FHIT: variants seen among roughly 807,000 people sequenced by gnomAD.
FHIT encodes fragile histidine triad diadenosine triphosphatase, also known as bis(5'-adenosyl)-triphosphatase.
A neutral mutation model predicts 17.9 loss-of-function variants in FHIT; 19 were observed. That is an observed-to-expected ratio of 1.06 (90% CI 0.74 to 1.56). The LOEUF (loss-of-function observed/expected upper bound fraction) is 1.56. Among genes scored for constraint, FHIT ranks in the 40% most tolerant of loss-of-function variants. The pLI is 0.00. For synonymous variants in FHIT, 81 were observed against 69.7 expected, an observed-to-expected ratio of 1.16 and a Z score of -0.81; for missense variants, 248 against 189.2, an observed-to-expected ratio of 1.31 and a Z score of -1.82.
intron 8 of FHIT, among the ~76,000 whole-genome samples, chr3:59,783,229 G>A (rs1170748647): frequency 6.6e-6 from 1 of 152,168 alleles, no homozygotes; most frequent in East Asian, 1.9e-4. Flanking sequence ...CCAGCACTTT[G>A]GGAGGCCAAG....
intron 8 of FHIT, among the ~76,000 whole-genome samples, chr3:59,798,046 T>C (rs1367993524): frequency 6.6e-6 from 1 of 152,158 alleles, no homozygotes; most frequent in Non-Finnish European, 1.5e-5. Context: ...ATTTGTGTTT[T>C]GGTGATTTCC....
chr3:60,652,747 A>G (rs2107809670), intron 4 of FHIT, among the ~76,000 whole-genome samples: 1 of 150,836 alleles, frequency 6.6e-6, no homozygotes, highest in African/African-American at 2.4e-5. Flanking sequence ...AAAAAAAAAA[A>G]AAAAATTCAA....
chr3:59,939,861 T>G (rs1706425588), intron 7 of FHIT, among the ~76,000 whole-genome samples: 1 of 152,152 alleles, frequency 6.6e-6, no homozygotes, highest in Admixed American at 6.5e-5. Context: ...AAGGTTGAGT[T>G]AATGAGACAT....
At chr3:60,682,876 A>T (rs2040783801) in intron 4 of FHIT, among the ~76,000 whole-genome samples, 1 of 152,228 alleles carries the variant, frequency 6.6e-6, no homozygotes, top group Non-Finnish European at 1.5e-5. Flanking sequence ...TGTCATTGAG[A>T]ACATTCATGA....
At chr3:60,757,515 A>G (rs1553718596) in intron 4 of FHIT, among the ~76,000 whole-genome samples, 1 of 152,200 alleles carries the variant, frequency 6.6e-6, no homozygotes, top group East Asian at 1.9e-4. Flanking sequence ...AAATGAGTCA[A>G]GCATGTCGAG....
rs201839886 is a variant in FHIT at position 60,709,907 on chromosome 3, T to A, written c.-18+112012A>T. Reference sequence around the variant, plus strand: ...ATACTTGAGTTTGCATAATTATAGTTTGTCTTTCAATGCTTCTTTCATGCA... The same window carrying A: ...ATACTTGAGTTTGCATAATTATAGTATGTCTTTCAATGCTTCTTTCATGCA... On this transcript the variant is annotated intron_variant, in intron 4 of 9. Transcript: ENST00000492590. Among the ~76,000 whole-genome samples the A allele has an allele frequency of 2.4e-4, 36 of 152,230 alleles. No individual in the cohort carries two copies. The East Asian group carries it at 6.4e-3, about 27-fold the overall frequency.
At chr3:60,105,300 T>G (rs1384669652) in intron 5 of FHIT, among the ~76,000 whole-genome samples, 1 of 152,218 alleles carries the variant, frequency 6.6e-6, no homozygotes, top group African/African-American at 2.4e-5. Context: ...TCATTGTTAC[T>G]CTACAGGACT....
intron 8 of FHIT, among the ~76,000 whole-genome samples, chr3:59,799,320 G>A (rs1313446952): frequency 6.6e-6 from 1 of 152,162 alleles, no homozygotes; most frequent in African/African-American, 2.4e-5. Flanking sequence ...TGGTGCCTGA[G>A]AAAGCTTATG....
At chr3:60,940,145 G>A (rs1413185506) in intron 3 of FHIT, among the ~76,000 whole-genome samples, 1 of 152,046 alleles carries the variant, frequency 6.6e-6, no homozygotes, top group Non-Finnish European at 1.5e-5. Flanking sequence ...GATAAAGACT[G>A]GGTGATTTAT....
At chr3:60,844,548 T>G (rs1702856123) in intron 3 of FHIT, among the ~76,000 whole-genome samples, 2 of 152,158 alleles carry the variant, frequency 1.3e-5, no homozygotes, top group Admixed American at 6.6e-5. Context: ...CATGTGATAA[T>G]TTTCCCCAAT....
At position 60,402,482 on chromosome 3, in the gene FHIT, C is replaced by A. The variant is rs78020881; in HGVS notation, c.103+134378G>T. On this transcript the variant is annotated intron_variant, in intron 5 of 9. Transcript: ENST00000492590. The stretch of plus-strand genomic sequence containing the variant: ...CCTCTCAGACCTGGCAGATAGTGTC[C>A]TTTAAAGAGTACACTAATTCTAAAA... Among the ~76,000 whole-genome samples, 7 of 152,236 alleles carry A rather than the reference C, an allele frequency of 4.6e-5. No individual in the cohort carries two copies. The East Asian group carries it at 1.4e-3, about 29-fold the overall frequency.
chr3:61,208,837 G>A (rs1468439278), intron 1 of FHIT, among the ~76,000 whole-genome samples: 1 of 152,002 alleles, frequency 6.6e-6, no homozygotes. Flanking sequence ...ATATTCTTAT[G>A]TGTGAATCTG....
intron 3 of FHIT, among the ~76,000 whole-genome samples, chr3:61,041,374 TAA>T (rs779424724): frequency 2.9e-5 from 4 of 138,754 alleles, no homozygotes; most frequent in Admixed American, 7.2e-5. Context: ...TGGCTCCATC[TAA>T]AAAAAAAAAA....
rs201932976 is a variant in FHIT, at chr3:60,710,189, T to C, written c.-18+111730A>G. On this transcript the variant is annotated intron_variant, in intron 4 of 9. Coordinates refer to ENST00000492590, the MANE Select transcript of FHIT (RefSeq NM_002012.4). ...GACTTTTTATTTTTTTTAACCATAGTGCATGGCAGTGAAAAATGAAAGGCC... is the reference window on the plus strand; with the variant it reads ...GACTTTTTATTTTTTTTAACCATAGCGCATGGCAGTGAAAAATGAAAGGCC... Among the ~76,000 whole-genome samples, 10 of 152,128 alleles carry C rather than the reference T, an allele frequency of 6.6e-5. No individual in the cohort carries two copies. In the East Asian group the frequency reaches 1.9e-3, roughly 29 times the overall value.
chr3:59,996,835 C>A (rs1699531912), intron 7 of FHIT, among the ~76,000 whole-genome samples: 1 of 152,076 alleles, frequency 6.6e-6, no homozygotes, highest in Admixed American at 6.6e-5. Context: ...CTATTGCTGA[C>A]CAGATGGTCC....
chr3:61,210,053 C>T (rs561443111), intron 1 of FHIT, among the ~76,000 whole-genome samples: 4 of 152,226 alleles, frequency 2.6e-5, no homozygotes, highest in Non-Finnish European at 4.4e-5. Flanking sequence ...AGCTGCAGGT[C>T]TGTTGGAGTT....
rs372146386 is a variant in FHIT, at chr3:60,768,599, T to G, written c.-18+53320A>C. Among the ~76,000 whole-genome samples, 20 of 152,334 alleles carry G rather than the reference T, an allele frequency of 1.3e-4. No individual in the cohort carries two copies. The East Asian group carries it at 1.4e-3, about 10-fold the overall frequency. On this transcript the variant is annotated intron_variant, in intron 4 of 9. Coordinates refer to ENST00000492590, the MANE Select transcript of FHIT (RefSeq NM_002012.4). Reference sequence around the variant, plus strand: ...AAGGAAATCTGTTGGAGAGTTAGTTTTTTGATTCAGTGAATACCAATGTGC... The same window carrying G: ...AAGGAAATCTGTTGGAGAGTTAGTTGTTTGATTCAGTGAATACCAATGTGC...
intron 5 of FHIT, among the ~76,000 whole-genome samples, chr3:60,264,107 A>G (rs577636657): frequency 1.7e-3 from 254 of 151,780 alleles, no homozygotes; most frequent in African/African-American, 5.5e-3. Flanking sequence ...TGGGGGAGAA[A>G]AATATTAGAG....
chr3:60,188,932 T>C (rs907486240), intron 5 of FHIT, among the ~76,000 whole-genome samples: 2 of 152,092 alleles, frequency 1.3e-5, no homozygotes, highest in African/African-American at 4.8e-5. Context: ...CTTCTATTCA[T>C]CTAAAAGAAG....
Sources: allele counts gnomAD v4.1 joint callset (sites outside exome capture counted in the v4.1 genomes callset), GRCh38; gene constraint gnomAD v4.1.1; transcripts MANE v1.5; gene names NCBI Gene and HGNC (gene_info 2026-07-23, HGNC 2026-07-21).